LYPD6: variants seen among roughly 807,000 people sequenced by gnomAD.
The protein encoded by LYPD6 is ly6/PLAUR domain-containing protein 6.
LYPD6 carries 15 observed loss-of-function variants against 22.7 expected under a neutral mutation model. The ratio of observed to expected loss-of-function variants is 0.66; its 90% CI spans 0.44 to 1.02. LYPD6 has a LOEUF of 1.02. Ranked by LOEUF, LYPD6 falls within the 50% of genes least tolerant of loss-of-function variation. The pLI, the probability that LYPD6 is intolerant of heterozygous loss-of-function variation, is 0.00. For missense variants in LYPD6, 189 were observed against 208.4 expected (o/e 0.91, Z 0.57); for synonymous variants, 72 against 77.5 (o/e 0.93, Z 0.37).
intron 1 of LYPD6, among the ~76,000 whole-genome samples, chr2:149,339,369 A>G (rs941905692): frequency 6.6e-6 from 1 of 152,178 alleles, no homozygotes; most frequent in Admixed American, 6.5e-5. Context: ...CTAGGAGTTG[A>G]TATCTCTTGT....
chr2:149,403,274 T>C (rs1311916294), intron 1 of LYPD6, among the ~76,000 whole-genome samples: 1 of 151,096 alleles, frequency 6.6e-6, no homozygotes, highest in East Asian at 1.9e-4. Flanking sequence ...TCAAATGGTA[T>C]TTCTAGTTCT....
intron 1 of LYPD6, among the ~76,000 whole-genome samples, chr2:149,363,982 T>A (rs1429321141): frequency 6.6e-6 from 1 of 152,214 alleles, no homozygotes; most frequent in Non-Finnish European, 1.5e-5. Context: ...CATAGAACTT[T>A]ATTTTCTTTC....
chr2:149,412,982 T>G (rs903906880), intron 1 of LYPD6, among the ~76,000 whole-genome samples: 1 of 152,172 alleles, frequency 6.6e-6, no homozygotes, highest in African/African-American at 2.4e-5. Flanking sequence ...GCAACTGTAT[T>G]TTGCTAGGTT....
At chr2:149,455,650 TTGTCCAAATA>T (rs1483681680) in intron 3 of LYPD6, among the ~76,000 whole-genome samples, 1 of 152,208 alleles carries the variant, frequency 6.6e-6, no homozygotes, top group East Asian at 1.9e-4. Context: ...TCACAATATT[TTGTCCAAATA>T]TGTTTTACAA....
intron 1 of LYPD6, among the ~76,000 whole-genome samples, chr2:149,338,855 T>C (rs1280002125): frequency 6.6e-6 from 1 of 152,194 alleles, no homozygotes. Flanking sequence ...ATATCCCTGG[T>C]ATTGTCAGCA....
intron 1 of LYPD6, among the ~76,000 whole-genome samples, chr2:149,357,217 A>G (rs1229550970): frequency 6.6e-6 from 1 of 152,240 alleles, no homozygotes; most frequent in Non-Finnish European, 1.5e-5. Flanking sequence ...CTTCTACTGA[A>G]GAGAGCTTTA....
At chr2:149,478,217 T>C (rs566779877), downstream of LYPD6, among the ~76,000 whole-genome samples, 19 of 152,196 alleles carry the variant, frequency 1.2e-4, no homozygotes, top group South Asian at 3.9e-3. Context: ...TTCATACTCA[T>C]CTCAAGAATT....
intron 2 of LYPD6, among the ~76,000 whole-genome samples, chr2:149,445,736 G>A (rs1356352729): frequency 6.6e-6 from 1 of 152,206 alleles, no homozygotes; most frequent in Non-Finnish European, 1.5e-5. Flanking sequence ...AGGGAATGCT[G>A]TGGCTGGTTT....
At chr2:149,334,288 T>C (rs963475316) in intron 1 of LYPD6, among the ~76,000 whole-genome samples, 2 of 152,122 alleles carry the variant, frequency 1.3e-5, no homozygotes, top group African/African-American at 4.8e-5. Flanking sequence ...TCCAAAACGA[T>C]AATGAAAGTC....
intron 1 of LYPD6, among the ~76,000 whole-genome samples, chr2:149,352,908 T>C (rs554928320): frequency 3.7e-4 from 57 of 152,314 alleles, no homozygotes; most frequent in Middle Eastern, 3.4e-3. Flanking sequence ...GATGTGAACT[T>C]TCGGTTGGGC....
downstream of LYPD6, among the ~76,000 whole-genome samples, chr2:149,475,162 G>A (rs931108102): frequency 4.6e-5 from 7 of 152,166 alleles, no homozygotes; most frequent in African/African-American, 2.4e-5. Flanking sequence ...TGCCTTGGCG[G>A]TGTTACAGTA....
intron 1 of LYPD6, among the ~76,000 whole-genome samples, chr2:149,337,903 A>G (rs1402974306): frequency 6.6e-6 from 1 of 152,104 alleles, no homozygotes; most frequent in Non-Finnish European, 1.5e-5. Context: ...CTGTTCTTGG[A>G]TTAGTTCACT....
At position 149,437,797 on chromosome 2, in the gene LYPD6, T is replaced by G; in HGVS notation, c.89T>G (p.Val30Gly). ...LKAAQSRDFT[V>G]KDIIYLHPST... ...GCTGCTCAGTCCCGAGACTTCACAGTGAAAGACATTATCTACCTCCATCCT... is the reference window on the plus strand; with the variant it reads ...GCTGCTCAGTCCCGAGACTTCACAGGGAAAGACATTATCTACCTCCATCCT... Residue 30 changes from valine (V) to glycine (G), a missense_variant, in exon 2 of 5, where the codon GTG becomes GGG. Transcript: ENST00000334166. 1 of 1,614,170 alleles carries G rather than the reference T, an allele frequency of 6.2e-7. No individual in the cohort carries two copies. The highest frequency in any genetic ancestry group is 1.6e-4 in the Middle Eastern group (1 of 6,062).
rs150708755 is a variant in LYPD6 at position 149,409,138 on chromosome 2, G to A, written c.-71-28500G>A. Among the ~76,000 whole-genome samples the A allele has an allele frequency of 6.2e-3, 944 of 152,296 alleles. 10 individuals carry two copies. The highest frequency in any genetic ancestry group is 4.9e-3 in the Non-Finnish European group (333 of 68,032). On this transcript the variant is annotated intron_variant, in intron 1 of 4. Coordinates refer to ENST00000334166, the MANE Select transcript of LYPD6 (RefSeq NM_194317.5). ...GCTCTCTCCTTTCCCCTAGGAATGGGCCTTCCTGAGAGCTAAACTGTAGTA... is the reference window on the plus strand; with the variant it reads ...GCTCTCTCCTTTCCCCTAGGAATGGACCTTCCTGAGAGCTAAACTGTAGTA...
chr2:149,345,753 T>C (rs1215006038), intron 1 of LYPD6, among the ~76,000 whole-genome samples: 1 of 152,172 alleles, frequency 6.6e-6, no homozygotes, highest in Non-Finnish European at 1.5e-5. Context: ...CATTTGATTA[T>C]GTATATTTTA....
intron 3 of LYPD6, among the ~76,000 whole-genome samples, chr2:149,464,902 G>T (rs145716359): frequency 1.3e-5 from 2 of 152,140 alleles, no homozygotes; most frequent in East Asian, 3.9e-4. Context: ...ATCCCAGGAG[G>T]TCCCTTCCTG....
At chr2:149,343,372 CAGAGAAATCCCTA>C (rs1400758139) in intron 1 of LYPD6, among the ~76,000 whole-genome samples, 1 of 152,160 alleles carries the variant, frequency 6.6e-6, no homozygotes, top group African/African-American at 2.4e-5. Context: ...CCTGTCCTAT[CAGAGAAATCCCTA>C]AAATGAACAA....
chr2:149,334,670 A>G (rs1368013841), intron 1 of LYPD6, among the ~76,000 whole-genome samples: 1 of 151,786 alleles, frequency 6.6e-6, no homozygotes, highest in Non-Finnish European at 1.5e-5. Context: ...TTCCAGAAGG[A>G]CTGGGGGCCA....
At chr2:149,359,153 A>G (rs1231464055) in intron 1 of LYPD6, among the ~76,000 whole-genome samples, 2 of 150,216 alleles carry the variant, frequency 1.3e-5, no homozygotes, top group Non-Finnish European at 2.9e-5. Flanking sequence ...ACAGAAATGG[A>G]AAAAAAATTA....
Sources: allele counts gnomAD v4.1 joint callset (sites outside exome capture counted in the v4.1 genomes callset), GRCh38; gene constraint gnomAD v4.1.1; transcripts MANE v1.5; gene names NCBI Gene and HGNC (gene_info 2026-07-23, HGNC 2026-07-21).